The following GPC6 variants were observed in gnomAD, a reference collection of about 807,000 sequenced individuals.
The protein encoded by GPC6 is glypican-6.
In GPC6, 14 loss-of-function variants were observed where a neutral mutation model predicts 55.2. The ratio of observed to expected loss-of-function variants is 0.25; its 90% confidence interval spans 0.17 to 0.40. The LOEUF is 0.40. GPC6 is among the 10% of genes least tolerant of loss of function. The probability of loss-of-function intolerance (pLI) is 1.00; values close to 1 mark genes in which losing one functional copy is unlikely to be tolerated. For synonymous variants in GPC6, 278 were observed against 259.6 expected (o/e 1.07, Z -0.68); for missense variants, 641 against 708.5 (o/e 0.90, Z 1.08).
chr13:93,884,264 G>A (rs184193962), intron 3 of GPC6, among the ~76,000 whole-genome samples: 8 of 152,046 alleles, frequency 5.3e-5, no homozygotes, highest in African/African-American at 1.4e-4. Flanking sequence ...CTCTATCATG[G>A]CCGTTGTCTT....
At chr13:94,316,156 T>C (rs1292793983) in intron 6 of GPC6, among the ~76,000 whole-genome samples, 2 of 152,084 alleles carry the variant, frequency 1.3e-5, no homozygotes, top group East Asian at 3.8e-4. Flanking sequence ...CTATGGTCTT[T>C]TGAAAGAACT....
chr13:94,332,041 G>A (rs1177491204), intron 6 of GPC6, among the ~76,000 whole-genome samples: 1 of 152,124 alleles, frequency 6.6e-6, no homozygotes, highest in African/African-American at 2.4e-5. Context: ...GTAATGCTTT[G>A]TGCAACAGGA....
At chr13:94,258,280 G>A (rs942264454) in intron 4 of GPC6, among the ~76,000 whole-genome samples, 3 of 152,288 alleles carry the variant, frequency 2.0e-5, no homozygotes, top group East Asian at 1.9e-4. Flanking sequence ...CCCCGGGGCC[G>A]ACAAACATTT....
intron 1 of GPC6, among the ~76,000 whole-genome samples, chr13:93,304,886 C>T (rs1451966730): frequency 6.6e-6 from 1 of 152,160 alleles, no homozygotes; most frequent in African/African-American, 2.4e-5. Flanking sequence ...TTTGTCTATA[C>T]AAGTATGTTT....
chr13:93,922,461 C>T lies in GPC6; in HGVS notation c.711+91916C>T, dbSNP rs550710138. Among the ~76,000 whole-genome samples the T allele has an allele frequency of 2.2e-4, 34 of 152,200 alleles. No homozygotes were observed. The South Asian group carries it at 6.0e-3, about 27-fold the overall frequency. On this transcript the variant is annotated intron_variant, in intron 3 of 8. Transcript: ENST00000377047. ...AAATAATTATACTACATATCTAAAT[C>T]GGGATTTCTCAAACTTGGCACTGTT...
In GPC6 at chr13:93,928,077, T is replaced by C. The variant is rs114778460; in HGVS notation, c.711+97532T>C. On this transcript the variant is annotated intron_variant, in intron 3 of 8. Transcript: ENST00000377047. Reference sequence around the variant, plus strand: ...TCCTGCACACTCTTATACTTAAAAATGTGACTTTCAAGTTCCCTGTGGAAT... The same window carrying C: ...TCCTGCACACTCTTATACTTAAAAACGTGACTTTCAAGTTCCCTGTGGAAT... 4.7e-3 allele frequency among the ~76,000 whole-genome samples: 708 copies of C among 152,244 alleles called. 7 individuals carry two copies. Among genetic ancestry groups the C allele is most frequent in the African/African-American group, 0.016 (677 of 41,556 alleles).
intron 4 of GPC6, among the ~76,000 whole-genome samples, chr13:94,131,309 T>A (rs1392969246): frequency 6.6e-6 from 1 of 152,160 alleles, no homozygotes. Flanking sequence ...CAATTTACAA[T>A]GGGCTTTAAA....
At chr13:93,279,917 C>T (rs1284389077) in intron 1 of GPC6, among the ~76,000 whole-genome samples, 1 of 152,118 alleles carries the variant, frequency 6.6e-6, no homozygotes, top group Non-Finnish European at 1.5e-5. Context: ...TGATTGTGAT[C>T]TGTGTAAATT....
chr13:93,422,460 G>C (rs1383265406), intron 1 of GPC6, among the ~76,000 whole-genome samples: 1 of 152,128 alleles, frequency 6.6e-6, no homozygotes, highest in Non-Finnish European at 1.5e-5. Context: ...GGAATGTGTT[G>C]AAAATTTGTA....
intron 4 of GPC6, among the ~76,000 whole-genome samples, chr13:94,098,547 T>C (rs1252312846): frequency 6.6e-6 from 1 of 152,188 alleles, no homozygotes; most frequent in African/African-American, 2.4e-5. Context: ...ACCCAGCTTG[T>C]TGGGAAGCTT....
intron 2 of GPC6, among the ~76,000 whole-genome samples, chr13:93,556,558 A>G (rs1875494268): frequency 6.6e-6 from 1 of 151,678 alleles, no homozygotes; most frequent in African/African-American, 2.4e-5. Flanking sequence ...TTACACTGTA[A>G]GTTATTTTAA....
rs556265911 is a variant in GPC6 at position 93,291,446 on chromosome 13, G to A, written c.160+63830G>A. Reference sequence around the variant, plus strand: ...TCAGTGGGTTTCTGAACAAAACAAAGAGGCTAAAACTGGGGTTTCTCAAAG... The same window carrying A: ...TCAGTGGGTTTCTGAACAAAACAAAAAGGCTAAAACTGGGGTTTCTCAAAG... On this transcript the variant is annotated intron_variant, in intron 1 of 8. Coordinates refer to ENST00000377047, the MANE Select transcript of GPC6 (RefSeq NM_005708.5). Among the ~76,000 whole-genome samples the A allele has an allele frequency of 1.5e-4, 23 of 152,250 alleles. 1 individual carries two copies. The South Asian group carries it at 4.8e-3, about 32-fold the overall frequency.
intron 2 of GPC6, among the ~76,000 whole-genome samples, chr13:93,612,721 A>G (rs1878537097): frequency 6.6e-6 from 1 of 152,228 alleles, no homozygotes; most frequent in African/African-American, 2.4e-5. Flanking sequence ...ACATGGAAAG[A>G]AAAAATAATT....
chr13:93,358,983 TTTTTTG>T (rs1880951162), intron 1 of GPC6, among the ~76,000 whole-genome samples: 2 of 124,806 alleles, frequency 1.6e-5, no homozygotes, highest in African/African-American at 6.7e-5. Context: ...CTCTTTTTTT[TTTTTTG>T]TTTTTTTTTT....
intron 4 of GPC6, among the ~76,000 whole-genome samples, chr13:94,263,049 C>T (rs570621834): frequency 1.2e-4 from 19 of 152,330 alleles, no homozygotes; most frequent in African/African-American, 4.1e-4. Context: ...ACATGTCAAG[C>T]ATTGGATTTG....
intron 4 of GPC6, among the ~76,000 whole-genome samples, chr13:94,169,258 C>T (rs1039279873): frequency 1.3e-5 from 2 of 152,066 alleles, no homozygotes; most frequent in Admixed American, 6.6e-5. Context: ...ATTTGTGGTG[C>T]AGAAAAATGA....
At chr13:93,317,857 G>T (rs1300823358) in intron 1 of GPC6, among the ~76,000 whole-genome samples, 1 of 152,112 alleles carries the variant, frequency 6.6e-6, no homozygotes, top group Non-Finnish European at 1.5e-5. Flanking sequence ...ACTGTGCTAT[G>T]ATAAGCTCAT....
At chr13:94,016,682 A>T (rs1882477410) in intron 3 of GPC6, among the ~76,000 whole-genome samples, 1 of 152,226 alleles carries the variant, frequency 6.6e-6, no homozygotes, top group African/African-American at 2.4e-5. Flanking sequence ...TTTTAACAAA[A>T]TATGTCTTCT....
At chr13:93,995,495 T>C (rs2140419357) in intron 3 of GPC6, among the ~76,000 whole-genome samples, 1 of 152,292 alleles carries the variant, frequency 6.6e-6, no homozygotes, top group South Asian at 2.1e-4. Context: ...ACCACAACTA[T>C]TCTTAATCAC....
Sources: allele counts gnomAD v4.1 joint callset (sites outside exome capture counted in the v4.1 genomes callset), GRCh38; gene constraint gnomAD v4.1.1; transcripts MANE v1.5; gene names NCBI Gene and HGNC (gene_info 2026-07-23, HGNC 2026-07-21).